Variants in SHISAL1 observed in about 807,000 individuals in gnomAD.
SHISAL1 encodes protein shisa-like-1.
SHISAL1 carries 9 observed loss-of-function variants against 22.6 expected under a neutral mutation model. The observed-to-expected ratio is 0.40, with a 90% CI of 0.24 to 0.70. The LOEUF is 0.70. Ranked by LOEUF, SHISAL1 falls within the 30% of genes least tolerant of loss-of-function variation. The pLI is 0.39. For synonymous variants in SHISAL1, 119 were observed against 115.4 expected, an observed-to-expected ratio of 1.03 and a Z score of -0.20; for missense variants, 246 against 270.6, an observed-to-expected ratio of 0.91 and a Z score of 0.64.
chr22:44,285,392 C>A (rs1278624459), intron 4 of SHISAL1, 36 bp downstream of exon 4: 1 of 1,605,050 alleles, frequency 6.2e-7, no homozygotes, highest in Non-Finnish European at 8.5e-7. Context: ...AAGACAATGA[C>A]CCAAATCATT....
chr22:44,282,285 G>T (rs2147288188), intron 4 of SHISAL1, among the ~76,000 whole-genome samples: 1 of 152,372 alleles, frequency 6.6e-6, no homozygotes. Context: ...CAGCAGCCAG[G>T]GTGGGAGCCA....
rs142181306 is a variant in SHISAL1 at position 44,249,578 on chromosome 22, G to A, written c.*107C>T. On this transcript the variant is annotated 3_prime_UTR_variant, in exon 5 of 5. Transcript: ENST00000381176. ...CAGCATTTCCTCCTGTGCCACCGCCGCTACCTCGGCTGTCCCTGGCATCTC... is the reference window on the plus strand; with the variant it reads ...CAGCATTTCCTCCTGTGCCACCGCCACTACCTCGGCTGTCCCTGGCATCTC... 2.1e-4 allele frequency: 151 copies of A among 721,554 alleles called. No individual in the cohort carries two copies. The highest frequency in any genetic ancestry group is 3.0e-4 in the Non-Finnish European group (115 of 386,096). The allele number at this position is 721,554 out of a possible 1,614,324, so 44.7% of individuals were successfully genotyped here.
intron 2 of SHISAL1, among the ~76,000 whole-genome samples, chr22:44,297,214 A>G (rs776244927): frequency 6.6e-6 from 1 of 152,144 alleles, no homozygotes; most frequent in Admixed American, 6.5e-5. Flanking sequence ...GACCCATCTC[A>G]TTTAACTCAC....
the SHISAL1 span, among the ~76,000 whole-genome samples, chr22:44,322,749 T>C: frequency 7.9e-3 from 1,196 of 152,158 alleles, 13 homozygotes; most frequent in African/African-American, 0.028. Context: ...TGGGCCACCA[T>C]CCCTAGTCAA....
chr22:44,254,147 G>A (rs998893154), intron 4 of SHISAL1, among the ~76,000 whole-genome samples: 5 of 152,092 alleles, frequency 3.3e-5, no homozygotes, highest in Middle Eastern at 3.4e-3. Context: ...GGATGCAGCC[G>A]AGCCAATGCT....
chr22:44,299,649 G>A (rs1294990379), intron 2 of SHISAL1, among the ~76,000 whole-genome samples: 1 of 152,118 alleles, frequency 6.6e-6, no homozygotes, highest in Non-Finnish European at 1.5e-5. Context: ...AAAACCACCA[G>A]GCCAGTGTCA....
At chr22:44,302,506 GGGT>G (rs1434283579) in intron 1 of SHISAL1, among the ~76,000 whole-genome samples, 1 of 152,260 alleles carries the variant, frequency 6.6e-6, no homozygotes, top group Non-Finnish European at 1.5e-5. Flanking sequence ...TGCTTTAGAA[GGGT>G]GGTAAGGAGG....
chr22:44,262,907 C>A (rs2055134746), intron 4 of SHISAL1, among the ~76,000 whole-genome samples: 2 of 152,118 alleles, frequency 1.3e-5, no homozygotes, highest in African/African-American at 2.4e-5. Flanking sequence ...TGACAATAAC[C>A]CTTCCCGCAG....
chr22:44,263,025 G>A (rs1002609130), intron 4 of SHISAL1, among the ~76,000 whole-genome samples: 2 of 151,272 alleles, frequency 1.3e-5, no homozygotes, highest in African/African-American at 2.4e-5. Context: ...TGGTGCTGAC[G>A]GTATGCATGT....
intron 3 of SHISAL1, among the ~76,000 whole-genome samples, chr22:44,294,319 G>A (rs1266674342): frequency 6.6e-6 from 1 of 152,172 alleles, no homozygotes; most frequent in East Asian, 1.9e-4. Flanking sequence ...GGCCTAGGTG[G>A]GAGGTGGGGA....
intron 4 of SHISAL1, among the ~76,000 whole-genome samples, chr22:44,251,505 AT>A (rs1184469173): frequency 6.6e-6 from 1 of 152,168 alleles, no homozygotes; most frequent in African/African-American, 2.4e-5. Flanking sequence ...GTATTAGTCC[AT>A]TTTCACGCTG....
At chr22:44,301,975 T>C (rs2055432890) in intron 1 of SHISAL1, among the ~76,000 whole-genome samples, 2 of 152,044 alleles carry the variant, frequency 1.3e-5, no homozygotes, top group Admixed American at 1.3e-4. Context: ...ATGAAAAAGT[T>C]CTGGAGGTGC....
At chr22:44,281,902 A>G (rs2055279229) in intron 4 of SHISAL1, among the ~76,000 whole-genome samples, 1 of 152,086 alleles carries the variant, frequency 6.6e-6, no homozygotes, top group Non-Finnish European at 1.5e-5. Context: ...TATAAATCCC[A>G]CGGGCGGGGG....
intron 4 of SHISAL1, among the ~76,000 whole-genome samples, chr22:44,252,997 A>G (rs1209990675): frequency 1.3e-5 from 2 of 151,434 alleles, no homozygotes; most frequent in Non-Finnish European, 2.9e-5. Flanking sequence ...CTCCATCTTA[A>G]AAAAAATAAA....
chr22:44,262,979 G>A (rs747966877), intron 4 of SHISAL1, among the ~76,000 whole-genome samples: 13 of 152,008 alleles, frequency 8.6e-5, no homozygotes, highest in African/African-American at 3.1e-4. Flanking sequence ...GAGACAATGT[G>A]TTCCCCAGCA....
intron 1 of SHISAL1, among the ~76,000 whole-genome samples, chr22:44,306,267 C>T (rs578079983): frequency 4.2e-4 from 63 of 150,788 alleles, no homozygotes; most frequent in African/African-American, 1.4e-3. Flanking sequence ...GGAGCTCTGA[C>T]GACGATGGCG....
intron 4 of SHISAL1, among the ~76,000 whole-genome samples, chr22:44,259,721 C>T (rs1217518646): frequency 1.3e-5 from 2 of 152,124 alleles, no homozygotes; most frequent in Non-Finnish European, 2.9e-5. Flanking sequence ...GGAGATGACC[C>T]AAGGTTCTGC....
At chr22:44,293,295 C>T (rs998662972) in intron 3 of SHISAL1, among the ~76,000 whole-genome samples, 5 of 152,146 alleles carry the variant, frequency 3.3e-5, no homozygotes, top group East Asian at 1.9e-4. Context: ...GGGAAGGCGG[C>T]GAGAAGATCG....
chr22:44,327,246 A>T, the SHISAL1 span, among the ~76,000 whole-genome samples: 4 of 40,346 alleles, frequency 9.9e-5, no homozygotes, highest in African/African-American at 2.5e-4. Context: ...GCGCGCACAC[A>T]CACACACACA....
Sources: gnomAD v4.1 joint callset for allele counts (sites outside exome capture counted in the v4.1 genomes callset) on GRCh38, gnomAD v4.1.1 for gene constraint, MANE v1.5 for transcripts, NCBI Gene and HGNC (gene_info 2026-07-23, HGNC 2026-07-21) for gene names.